Variants in CGREF1 observed in about 807,000 individuals in gnomAD.
The protein encoded by CGREF1 is cell growth regulator with EF hand domain protein 1.
In CGREF1, 16 loss-of-function variants were observed where a neutral mutation model predicts 17.4. That is an observed-to-expected ratio of 0.92 (90% confidence interval 0.62 to 1.40). The LOEUF (loss-of-function observed/expected upper bound fraction) is 1.40. Ranked by LOEUF, CGREF1 falls within the 40% of genes most tolerant of loss-of-function variation. The pLI, the probability that CGREF1 is intolerant of heterozygous loss-of-function variation, is 0.00. For missense variants in CGREF1, 296 were observed against 376.4 expected (o/e 0.79, Z 1.77); for synonymous variants, 142 against 154.6 (o/e 0.92, Z 0.61).
chr2:27,101,152 TACCTACTGGG>T lies in CGREF1; in HGVS notation c.*112_*121del. 1 of 1,475,800 alleles carries T rather than the reference TACCTACTGGG, an allele frequency of 6.8e-7. No homozygotes were observed. The highest frequency in any genetic ancestry group is 8.9e-7 in the Non-Finnish European group (1 of 1,120,764). The allele number at this position is 1,475,800 out of a possible 1,614,324, so 91.4% of individuals were successfully genotyped here. A position where few individuals can be genotyped will look rare whatever the true frequency, so the allele number is the denominator to read the frequency against. On this transcript the variant is annotated 3_prime_UTR_variant, in exon 6 of 6. Transcript: ENST00000402394. The stretch of plus-strand genomic sequence containing the variant: ...CCCTGAGCTGCACAGAAAGACCTGA[TACCTACTGGG>T]ACCAGGCAGGGGGCACAGAGATGGT...
chr2:27,104,421 T>C, intron 1 of CGREF1, 44 bp from the exon 2 acceptor site: 3 of 1,604,176 alleles, frequency 1.9e-6, no homozygotes, highest in Non-Finnish European at 2.6e-6. Flanking sequence ...AAGAGGCGTC[T>C]GCCACCGTGT....
At chr2:27,109,704 G>A (rs940701039) in intron 1 of CGREF1, among the ~76,000 whole-genome samples, 1 of 151,538 alleles carries the variant, frequency 6.6e-6, no homozygotes, top group African/African-American at 2.4e-5. Flanking sequence ...TGACCAACAT[G>A]GAGAAACCCT....
rs1236839211 is a variant in CGREF1 at position 27,101,679 on chromosome 2, G to A, written c.552C>T (p.Ala184=). Residue 184 remains alanine (A), a synonymous_variant, in exon 6 of 6, where the codon GCC becomes GCT. Transcript: ENST00000402394. Reference sequence around the variant, plus strand: ...CCTTTGCTTCTTCTCTGGGACCAGGGGCTTCCTGTGTTTCTTGTCTTAATG... The same window carrying A: ...CCTTTGCTTCTTCTCTGGGACCAGGAGCTTCCTGTGTTTCTTGTCTTAATG... ...KSPLRQETQE[A]PGPREEAKGQ... is the part of the protein sequence containing the mutation. 6.2e-7 allele frequency: 1 copy of A among 1,614,118 alleles called. No homozygotes were observed. The highest frequency in any genetic ancestry group is 1.3e-5 in the African/African-American group (1 of 74,948).
chr2:27,111,774 C>T (rs1448323119), intron 1 of CGREF1, among the ~76,000 whole-genome samples: 3 of 148,058 alleles, frequency 2.0e-5, no homozygotes, highest in Non-Finnish European at 4.4e-5. Flanking sequence ...GCTGGGCCCC[C>T]GAGCCCACGC....
Position 27,101,123 on chromosome 2 carries a change from G to GT in CGREF1, c.*150dup, listed in dbSNP as rs1452170368. ...TTGGTAATCTGCCCCTTAACTTAGGGTCTCCCTGAGCTGCACAGAAAGACC... is the reference window on the plus strand; with the variant it reads ...TTGGTAATCTGCCCCTTAACTTAGGGTTCTCCCTGAGCTGCACAGAAAGACC... On this transcript the variant is annotated 3_prime_UTR_variant, in exon 6 of 6. Transcript: ENST00000402394. 7.1e-7 allele frequency: 1 copy of GT among 1,408,998 alleles called. No individual in the cohort carries two copies. Among genetic ancestry groups the GT allele is most frequent in the East Asian group, 2.5e-5 (1 of 39,494 alleles). 87.3% of individuals were successfully genotyped at this position (1,408,998 alleles called of 1,614,324 possible).
At position 27,102,369 on chromosome 2, in the gene CGREF1, G is replaced by A. The variant is rs550047520; in HGVS notation, c.208C>T (p.Arg70Trp). ...RTEVQLEHLS[R>W]EQVLLYLFAL... ...CAGCCCAGCCCCTCACCCTGCTCCC[G>A]GCTCAGATGCTCCAGTTGCACTTCT... The change falls in exon 4 of 6, where the codon CGG (arginine) becomes TGG (tryptophan). Residue 70 changes from arginine to tryptophan, a missense_variant. Arg to Trp is a moderately radical substitution (Grantham distance 101). Around this residue, in one of 3 missense-constraint regions of CGREF1, gnomAD observed 247 missense variants for 267.2 expected, o/e 0.92. Transcript: ENST00000402394. 2.2e-5 allele frequency: 36 copies of A among 1,613,972 alleles called. No individual in the cohort carries two copies. Among genetic ancestry groups the A allele is most frequent in the Non-Finnish European group, 2.6e-5 (31 of 1,179,970 alleles).
chr2:27,105,206 T>G (rs1404053156), intron 1 of CGREF1, among the ~76,000 whole-genome samples: 5 of 152,306 alleles, frequency 3.3e-5, no homozygotes, highest in South Asian at 4.1e-4. Context: ...AGCCAAGGCA[T>G]GAGACCCCAA....
At position 27,116,923 on chromosome 2, in the gene CGREF1, C is replaced by CTCTCTCTCTCTCTCTCTT. The variant is rs1259106800; in HGVS notation, c.-12+1922_-12+1923insAAGAGAGAGAGAGAGAGA. The stretch of plus-strand genomic sequence containing the variant: ...TCTCTCTCTCTCTCTCTCTCTCTCT[C>CTCTCTCTCTCTCTCTCTT]TTTTTTTGAGACAGAGTCTCGCTCT... On this transcript the variant is annotated intron_variant, in intron 1 of 5. Coordinates refer to ENST00000402394, the MANE Select transcript of CGREF1 (RefSeq NM_006569.6). 8.7e-3 allele frequency among the ~76,000 whole-genome samples: 463 copies of CTCTCTCTCTCTCTCTCTT among 52,948 alleles called. 26 individuals carry two copies. Among genetic ancestry groups the CTCTCTCTCTCTCTCTCTT allele is most frequent in the Admixed American group, 0.013 (46 of 3,668 alleles). The allele number at this position is 52,948 out of a possible 152,430, so 34.7% of individuals were successfully genotyped here. A position where few individuals can be genotyped will look rare whatever the true frequency, so the allele number is the denominator to read the frequency against.
intron 1 of CGREF1, among the ~76,000 whole-genome samples, chr2:27,109,566 T>G (rs1671267852): frequency 6.6e-6 from 1 of 151,656 alleles, no homozygotes; most frequent in Admixed American, 6.6e-5. Flanking sequence ...GGGAAGAGAG[T>G]GGACATATTG....
intron 1 of CGREF1, among the ~76,000 whole-genome samples, chr2:27,108,419 G>C (rs997129537): frequency 6.6e-6 from 1 of 152,168 alleles, no homozygotes; most frequent in South Asian, 2.1e-4. Context: ...CAGAGGTTAA[G>C]TGGCAAGGTG....
At chr2:27,110,561 G>C (rs1176257271) in intron 1 of CGREF1, 1 of 141,506 alleles carries the variant, frequency 7.1e-6, no homozygotes, top group African/African-American at 2.5e-5. Flanking sequence ...TCTTTAAAAA[G>C]ACTAGTAAAA....
At chr2:27,115,914 C>G (rs184174798) in intron 1 of CGREF1, among the ~76,000 whole-genome samples, 1 of 152,276 alleles carries the variant, frequency 6.6e-6, no homozygotes, top group East Asian at 1.9e-4. Context: ...TAGCCCACCT[C>G]AAAAATGCAA....
intron 1 of CGREF1, among the ~76,000 whole-genome samples, chr2:27,116,923 C>CTCTCTCTCTCTCT (rs1259106800): frequency 3.8e-5 from 2 of 53,016 alleles, no homozygotes; most frequent in African/African-American, 9.7e-5. Flanking sequence ...CTCTCTCTCT[C>CTCTCTCTCTCTCT]TTTTTTTGAG....
chr2:27,118,554 G>C (rs1165466399), intron 1 of CGREF1, among the ~76,000 whole-genome samples: 1 of 152,182 alleles, frequency 6.6e-6, no homozygotes, highest in African/African-American at 2.4e-5. Flanking sequence ...CCCTCCCCCA[G>C]GACTGCTGGA....
rs563382830 is a variant in CGREF1 at position 27,106,864 on chromosome 2, C to T, written c.-11-2487G>A. ...AACTCCTGATCTCAGGTGATCCTCC[C>T]GCCTCAGCCTCCCAAACTGCTGGGA... On this transcript the variant is annotated intron_variant, in intron 1 of 5. Coordinates refer to ENST00000402394, the MANE Select transcript of CGREF1 (RefSeq NM_006569.6). 1.3e-4 allele frequency among the ~76,000 whole-genome samples: 20 copies of T among 152,270 alleles called. No individual in the cohort carries two copies. The South Asian group carries it at 3.5e-3, about 27-fold the overall frequency.
At chr2:27,109,814 G>A (rs1314205312) in intron 1 of CGREF1, among the ~76,000 whole-genome samples, 2 of 147,594 alleles carry the variant, frequency 1.4e-5, no homozygotes, top group Non-Finnish European at 3.0e-5. Flanking sequence ...GAACCTGGGA[G>A]GCGGAGGTTG....
intron 1 of CGREF1, among the ~76,000 whole-genome samples, chr2:27,117,686 T>G (rs1487368653): frequency 6.6e-6 from 1 of 151,216 alleles, no homozygotes; most frequent in East Asian, 1.9e-4. Context: ...TCTTAACCTC[T>G]CTGAGCCCTG....
Position 27,100,893 on chromosome 2 carries a change from A to G in CGREF1, c.*381T>C, listed in dbSNP as rs371782367. On this transcript the variant is annotated 3_prime_UTR_variant, in exon 6 of 6. Transcript: ENST00000402394. ...ACCGGTGAGGGTTTGGGGCCCAGGG[A>G]TAGACTGAGCTTTCCTCACTGGGTC... 2.2e-4 allele frequency: 235 copies of G among 1,090,940 alleles called. No homozygotes were observed. In the African/African-American group the frequency reaches 3.7e-3, roughly 17 times the overall value. The allele number at this position is 1,090,940 out of a possible 1,614,324, so 67.6% of individuals were successfully genotyped here.
intron 1 of CGREF1, among the ~76,000 whole-genome samples, chr2:27,108,084 G>A (rs541812958): frequency 2.0e-5 from 3 of 151,640 alleles, no homozygotes; most frequent in South Asian, 2.1e-4. Flanking sequence ...GTGAAACCCC[G>A]TCTCTACTAA....
Sources: allele counts gnomAD v4.1 joint callset (sites outside exome capture counted in the v4.1 genomes callset), GRCh38; gene constraint gnomAD v4.1.1; regional missense constraint gnomAD v4.1.1; transcripts MANE v1.5; gene names NCBI Gene and HGNC (gene_info 2026-07-23, HGNC 2026-07-21).